Variants in TCAIM observed in about 807,000 individuals in gnomAD.
The protein encoded by TCAIM is T-cell activation inhibitor, mitochondrial.
In TCAIM, 36 loss-of-function variants were observed where a neutral mutation model predicts 58.6. The observed-to-expected ratio is 0.61, with a 90% CI of 0.47 to 0.81. TCAIM has a LOEUF of 0.81. Among genes scored for constraint, TCAIM ranks in the 30% least tolerant of loss-of-function variants. TCAIM has a pLI of 0.00. For synonymous variants in TCAIM, 172 were observed against 193.6 expected, an observed-to-expected ratio of 0.89 and a Z score of 0.93; for missense variants, 466 against 579.6, an observed-to-expected ratio of 0.80 and a Z score of 2.01.
intron 1 of TCAIM, 26 bp from the exon 2 acceptor site, chr3:44,354,713 T>C: frequency 6.6e-7 from 1 of 1,509,976 alleles, no homozygotes; most frequent in Admixed American, 2.0e-5. Flanking sequence ...TACTTGTTCA[T>C]TTGTGATATC....
intron 6 of TCAIM, among the ~76,000 whole-genome samples, chr3:44,394,300 A>ATT (rs1356576244): frequency 1.3e-5 from 2 of 152,228 alleles, no homozygotes; most frequent in Admixed American, 1.3e-4. Flanking sequence ...GCATATATCC[A>ATT]TTATTTTATC....
In TCAIM at chr3:44,360,775, T is replaced by C. The variant is rs549320139; in HGVS notation, c.166-590T>C. Among the ~76,000 whole-genome samples the C allele has an allele frequency of 2.7e-3, 408 of 152,102 alleles. 1 individual carries two copies. Among genetic ancestry groups the C allele is most frequent in the Non-Finnish European group, 3.6e-3 (248 of 67,992 alleles). On this transcript the variant is annotated intron_variant, in intron 3 of 10. Transcript: ENST00000342649. Reference sequence around the variant, plus strand: ...CATGTACCACCGTGCCCAACTAATTTTTGTATTTTTTGTAGAGTCGAGGTT... The same window carrying C: ...CATGTACCACCGTGCCCAACTAATTCTTGTATTTTTTGTAGAGTCGAGGTT...
intron 1 of TCAIM, among the ~76,000 whole-genome samples, chr3:44,349,365 C>T (rs754136094): frequency 2.0e-5 from 3 of 151,932 alleles, no homozygotes; most frequent in African/African-American, 4.8e-5. Flanking sequence ...TATTGTCAAG[C>T]GGTATTGCAG....
chr3:44,388,746 A>G (rs1701784534), intron 5 of TCAIM, among the ~76,000 whole-genome samples: 1 of 152,110 alleles, frequency 6.6e-6, no homozygotes, highest in Non-Finnish European at 1.5e-5. Flanking sequence ...TCATCTCTTC[A>G]TATGGGGACT....
In TCAIM at chr3:44,398,268, TAAAAA is replaced by T. The variant is rs1031997219; in HGVS notation, c.885+1439_885+1443del. ...GTAAAACGCCGTCTCTACTAAAAAT[TAAAAA>T]AAAATAAAAAGCCGGGCATGGTGGC... On this transcript the variant is annotated intron_variant, in intron 8 of 10. Coordinates refer to ENST00000342649, the MANE Select transcript of TCAIM (RefSeq NM_173826.4). Among the ~76,000 whole-genome samples, 3 of 150,786 alleles carry T rather than the reference TAAAAA, an allele frequency of 2.0e-5. No homozygotes were observed. The East Asian group carries it at 5.9e-4, about 29-fold the overall frequency.
chr3:44,358,516 C>G, intron 3 of TCAIM: 1 of 456,322 alleles, frequency 2.2e-6, no homozygotes, highest in Non-Finnish European at 3.8e-6. Flanking sequence ...GTCATTATTC[C>G]CTGAACAACA....
chr3:44,398,105 C>T (rs1429257013), intron 8 of TCAIM, among the ~76,000 whole-genome samples: 3 of 151,600 alleles, frequency 2.0e-5, no homozygotes, highest in African/African-American at 7.3e-5. Context: ...CCAAAGAGAA[C>T]GTACAGATGA....
chr3:44,366,884 CTT>C (rs1465818417), intron 4 of TCAIM, among the ~76,000 whole-genome samples: 1 of 152,128 alleles, frequency 6.6e-6, no homozygotes, highest in Non-Finnish European at 1.5e-5. Flanking sequence ...ACAGGAGTAA[CTT>C]TTAAACAACT....
intron 4 of TCAIM, among the ~76,000 whole-genome samples, chr3:44,365,467 T>C (rs556065765): frequency 2.2e-4 from 34 of 152,192 alleles, no homozygotes; most frequent in African/African-American, 7.9e-4. Context: ...TAGCTGGGAT[T>C]ACAGGAGTGC....
chr3:44,398,518 A>G (rs937340411), intron 8 of TCAIM, among the ~76,000 whole-genome samples: 3 of 151,936 alleles, frequency 2.0e-5, no homozygotes, highest in African/African-American at 7.3e-5. Context: ...GTGCATTATC[A>G]CTACACACCA....
rs969069048 is a variant in TCAIM, at chr3:44,367,350, G to T, written c.320-106G>T. 2.1e-5 allele frequency: 27 copies of T among 1,315,602 alleles called. No individual in the cohort carries two copies. The Admixed American group carries it at 6.1e-4, about 30-fold the overall frequency. The allele number at this position is 1,315,602 out of a possible 1,614,324, so 81.5% of individuals were successfully genotyped here. Reference sequence around the variant, plus strand: ...TTTACAGGTGATTTGCTAATAGGACGAATTTAAATCAGTAATAGAATGTTT... The same window carrying T: ...TTTACAGGTGATTTGCTAATAGGACTAATTTAAATCAGTAATAGAATGTTT... On this transcript the variant is annotated intron_variant, in intron 4 of 10. Transcript: ENST00000342649.
intron 5 of TCAIM, among the ~76,000 whole-genome samples, chr3:44,370,986 A>G (rs1701459943): frequency 6.8e-6 from 1 of 147,196 alleles, no homozygotes; most frequent in African/African-American, 2.5e-5. Context: ...ATCTCGGCTC[A>G]CTGCAACCTC....
At position 44,361,177 on chromosome 3, in the gene TCAIM, G is replaced by A. The variant is rs181346716; in HGVS notation, c.166-188G>A. Among the ~76,000 whole-genome samples, 14 of 152,250 alleles carry A rather than the reference G, an allele frequency of 9.2e-5. No homozygotes were observed. In the East Asian group the frequency reaches 2.7e-3, roughly 29 times the overall value. Reference sequence around the variant, plus strand: ...TCTTTTTACATCTTACCCATATGGAGTTCATTCTGTTACATGTTGTGAGAT... The same window carrying A: ...TCTTTTTACATCTTACCCATATGGAATTCATTCTGTTACATGTTGTGAGAT... On this transcript the variant is annotated intron_variant, in intron 3 of 10. Transcript: ENST00000342649.
At chr3:44,375,572 G>A (rs1701552062) in intron 5 of TCAIM, among the ~76,000 whole-genome samples, 1 of 152,180 alleles carries the variant, frequency 6.6e-6, no homozygotes, top group Non-Finnish European at 1.5e-5. Context: ...CTCCAACATT[G>A]GGGATTAAAT....
Position 44,357,756 on chromosome 3 carries a change from G to C in TCAIM, c.45G>C (p.Lys15Asn), listed in dbSNP as rs896169327. The change falls in exon 3 of 11, where the codon AAG becomes AAC. Residue 15 changes from lysine (K) to asparagine (N), a missense_variant. Physicochemically the swap from Lys to Asn is moderately conservative, Grantham distance 94 (BLOSUM62 0). Coordinates refer to ENST00000342649, the MANE Select transcript of TCAIM (RefSeq NM_173826.4). ...LRPMRRLCLEKIFPHWFPFSR... is the reference protein window; with the variant it reads ...LRPMRRLCLENIFPHWFPFSR... ...TTTTTAAAAGGTTATGTCTAGAGAA[G>C]ATATTTCCACACTGGTTTCCCTTTT... The C allele has an allele frequency of 1.2e-6, 2 of 1,613,980 alleles. No individual in the cohort carries two copies. Among genetic ancestry groups the C allele is most frequent in the African/African-American group, 2.7e-5 (2 of 74,928 alleles).
Position 44,409,041 on chromosome 3 carries a change from G to T in TCAIM, c.*1359G>T, listed in dbSNP as rs1372675745. On this transcript the variant is annotated 3_prime_UTR_variant, in exon 11 of 11. Coordinates refer to ENST00000342649, the MANE Select transcript of TCAIM (RefSeq NM_173826.4). The stretch of plus-strand genomic sequence containing the variant: ...TCTTGCTACTGAATGAATCAGAAAG[G>T]AATTTTTTCTGAAGAGCATTAGAAA... The T allele has an allele frequency of 6.7e-6, 1 of 149,428 alleles. No individual in the cohort carries two copies. Among genetic ancestry groups the T allele is most frequent in the Non-Finnish European group, 1.5e-5 (1 of 68,032 alleles). 9.3% of individuals were successfully genotyped at this position (149,428 alleles called of 1,614,324 possible).
chr3:44,402,273 C>T (rs985539585), intron 10 of TCAIM, among the ~76,000 whole-genome samples: 1 of 151,400 alleles, frequency 6.6e-6, no homozygotes, highest in Admixed American at 6.6e-5. Context: ...ATTAGCCAGG[C>T]ATGGCACCAT....
Position 44,408,794 on chromosome 3 carries a change from C to A in TCAIM, c.*1112C>A, listed in dbSNP as rs1702138948. On this transcript the variant is annotated 3_prime_UTR_variant, in exon 11 of 11. Transcript: ENST00000342649. Reference sequence around the variant, plus strand: ...GTCATTAGCCCCGGCCTGGTTAAAGCCCCTCAGAGTCACCTCTCATTCATA... The same window carrying A: ...GTCATTAGCCCCGGCCTGGTTAAAGACCCTCAGAGTCACCTCTCATTCATA... 6.6e-6 allele frequency: 1 copy of A among 152,192 alleles called. No homozygotes were observed. Among genetic ancestry groups the A allele is most frequent in the Non-Finnish European group, 1.5e-5 (1 of 68,028 alleles). 9.4% of individuals were successfully genotyped at this position (152,192 alleles called of 1,614,324 possible). A position where few individuals can be genotyped will look rare whatever the true frequency, so the allele number is the denominator to read the frequency against.
chr3:44,400,521 G>C lies in TCAIM; in HGVS notation c.1052G>C (p.Arg351Thr). The C allele has an allele frequency of 6.2e-7, 1 of 1,613,712 alleles. No individual in the cohort carries two copies. Among genetic ancestry groups the C allele is most frequent in the Non-Finnish European group, 8.5e-7 (1 of 1,179,858 alleles). The stretch of plus-strand genomic sequence containing the variant: ...TCTCTTCTTGATGTGTTTTATAATA[G>C]ACTGTTGAAAAGTAGAATACTATTT... The part of the protein sequence containing the change: ...YYSLLDVFYN[R>T]LLKSRILFHP... The change falls in exon 9 of 11, where the codon AGA (arginine) becomes ACA (threonine). Residue 351 changes from arginine to threonine, a missense_variant. Physicochemically the swap from Arg to Thr is moderately conservative, Grantham distance 71. Coordinates refer to ENST00000342649, the MANE Select transcript of TCAIM (RefSeq NM_173826.4).
Sources: allele counts gnomAD v4.1 joint callset (sites outside exome capture counted in the v4.1 genomes callset), GRCh38; gene constraint gnomAD v4.1.1; transcripts MANE v1.5; gene names NCBI Gene and HGNC (gene_info 2026-07-23, HGNC 2026-07-21).